Variants in C2CD2 observed in about 807,000 individuals in gnomAD.
C2CD2 encodes C2 calcium dependent domain containing 2, also known as C2 domain-containing protein 2.
C2CD2 carries 43 observed loss-of-function variants against 74.3 expected under a neutral mutation model. The ratio of observed to expected loss-of-function variants is 0.58; its 90% CI spans 0.45 to 0.75. The LOEUF (loss-of-function observed/expected upper bound fraction) is 0.75, where lower values mean the gene tolerates loss of function less well. Ranked by LOEUF, C2CD2 falls within the 30% of genes least tolerant of loss-of-function variation. C2CD2 has a pLI of 0.00. For missense variants in C2CD2, 801 were observed against 916.3 expected (o/e 0.87, Z 1.63); for synonymous variants, 422 against 390.7 (o/e 1.08, Z -0.94).
At chr21:41,953,208 C>G in intron 1 of C2CD2, 162 bp downstream of exon 1, 1 of 427,470 alleles carries the variant, frequency 2.3e-6, no homozygotes, top group Non-Finnish European at 4.1e-6. Context: ...CAAGGGGCCT[C>G]GCTCCCCCGT....
intron 13 of C2CD2, among the ~76,000 whole-genome samples, chr21:41,896,335 T>C (rs2064821813): frequency 6.6e-6 from 1 of 152,050 alleles, no homozygotes; most frequent in Non-Finnish European, 1.5e-5. Context: ...TGGGTAAGGG[T>C]TCTGAGCCAT....
chr21:41,928,544 C>CAAAAAA (rs59346777), intron 2 of C2CD2, among the ~76,000 whole-genome samples: 809 of 72,276 alleles, frequency 0.011, 1 homozygote, highest in East Asian at 0.019. Flanking sequence ...TAAAGCAAAG[C>CAAAAAA]AAAAAAAAAA....
rs2146207343 is a variant in C2CD2, at chr21:41,926,658, T to A, written c.379-4573A>T. 1.0e-6 allele frequency: 1 copy of A among 984,068 alleles called. No homozygotes were observed. Among genetic ancestry groups the A allele is most frequent in the South Asian group, 4.7e-5 (1 of 21,242 alleles). 61.0% of individuals were successfully genotyped at this position (984,068 alleles called of 1,614,324 possible). ...CAGGCACAGTTACTCCAGATTTTGCTACTGTTCACCAACAAGAGAGCCCCT... is the reference window on the plus strand; with the variant it reads ...CAGGCACAGTTACTCCAGATTTTGCAACTGTTCACCAACAAGAGAGCCCCT... On this transcript the variant is annotated intron_variant, in intron 2 of 13. Transcript: ENST00000380486. The surrounding 1 kb of genome is among the most constrained non-coding windows in gnomAD (Gnocchi z 8.0).
chr21:41,910,290 G>T (rs2065012338), intron 7 of C2CD2, among the ~76,000 whole-genome samples: 1 of 152,034 alleles, frequency 6.6e-6, no homozygotes, highest in Non-Finnish European at 1.5e-5. Context: ...ATGTGTTGGT[G>T]GTCCCCACTA....
intron 7 of C2CD2, among the ~76,000 whole-genome samples, chr21:41,910,677 A>G (rs973197180): frequency 1.3e-5 from 2 of 151,356 alleles, no homozygotes; most frequent in Non-Finnish European, 2.9e-5. Context: ...TTCATTCATG[A>G]TTTATAAAAG....
rs2065472439 is a variant in C2CD2, at chr21:41,953,949, C to A, written c.-301G>T. ...TGGGAAGTTCCTGGGCCGCTGCGGG[C>A]CGCGCTTCCTCCTGCGCGCGCCGCC... is the stretch of plus-strand genomic sequence containing the variant. On this transcript the variant is annotated 5_prime_UTR_variant, in exon 1 of 14. Transcript: ENST00000380486. 6.5e-6 allele frequency: 1 copy of A among 154,680 alleles called. No homozygotes were observed. Among genetic ancestry groups the A allele is most frequent in the Non-Finnish European group, 1.4e-5 (1 of 70,914 alleles). 9.6% of individuals were successfully genotyped at this position (154,680 alleles called of 1,614,324 possible).
chr21:41,909,595 T>C (rs1280536774), intron 7 of C2CD2, 72 bp from the exon 8 acceptor site: 9 of 1,026,726 alleles, frequency 8.8e-6, no homozygotes, highest in Non-Finnish European at 1.4e-5. Flanking sequence ...TAGAGTGTTT[T>C]TTCTGATTAT....
intron 1 of C2CD2, among the ~76,000 whole-genome samples, chr21:41,947,277 C>T (rs2065409197): frequency 6.6e-6 from 1 of 151,782 alleles, no homozygotes; most frequent in Non-Finnish European, 1.5e-5. Context: ...CCTGCCTCAG[C>T]ATCCCGAGTA....
At chr21:41,947,980 G>A (rs1472848603) in intron 1 of C2CD2, among the ~76,000 whole-genome samples, 2 of 152,206 alleles carry the variant, frequency 1.3e-5, no homozygotes, top group East Asian at 1.9e-4. Flanking sequence ...TGATGTGAAC[G>A]CTACACCCAC....
rs576886496 is a variant in C2CD2, at chr21:41,934,467, C to T, written c.378+7680G>A. 5.3e-5 allele frequency among the ~76,000 whole-genome samples: 8 copies of T among 152,306 alleles called. No individual in the cohort carries two copies. In the South Asian group the frequency reaches 1.7e-3, roughly 32 times the overall value. ...CAGTCCACTTCCTAAGGCTGCTTTTCTGACACTATGTATCAAGATCCTGAA... is the reference window on the plus strand; with the variant it reads ...CAGTCCACTTCCTAAGGCTGCTTTTTTGACACTATGTATCAAGATCCTGAA... On this transcript the variant is annotated intron_variant, in intron 2 of 13. Coordinates refer to ENST00000380486, the MANE Select transcript of C2CD2 (RefSeq NM_015500.2).
In C2CD2 at chr21:41,893,558, G is replaced by GT. The variant is rs2064782594; in HGVS notation, c.1871-4215dup. Among the ~76,000 whole-genome samples, 4 of 148,710 alleles carry GT rather than the reference G, an allele frequency of 2.7e-5. No individual in the cohort carries two copies. In the South Asian group the frequency reaches 8.7e-4, roughly 32 times the overall value. On this transcript the variant is annotated intron_variant, in intron 13 of 13. Transcript: ENST00000380486. ...TGTCCATACCCTGAGGGACTAACTT[G>GT]TTTCAGTGGCAGACCTCTGCCCCAG...
chr21:41,916,491 C>T (rs2065092145), intron 5 of C2CD2, among the ~76,000 whole-genome samples: 1 of 152,098 alleles, frequency 6.6e-6, no homozygotes, highest in African/African-American at 2.4e-5. Context: ...GAAACAGTGA[C>T]TCTTCATGGG....
At chr21:41,936,878 G>A (rs545456734) in intron 2 of C2CD2, among the ~76,000 whole-genome samples, 43 of 145,536 alleles carry the variant, frequency 3.0e-4, no homozygotes, top group Non-Finnish European at 4.7e-4. Context: ...GAGTGCAATG[G>A]TGCGGTCTCG....
At chr21:41,934,574 G>A (rs942980452) in intron 2 of C2CD2, among the ~76,000 whole-genome samples, 2 of 152,236 alleles carry the variant, frequency 1.3e-5, no homozygotes, top group African/African-American at 4.8e-5. Flanking sequence ...TCTTTCTCAA[G>A]TACCTCTACT....
At position 41,932,232 on chromosome 21, in the gene C2CD2, G is replaced by A. The variant is rs1037411060; in HGVS notation, c.378+9915C>T. Among the ~76,000 whole-genome samples, 11 of 149,952 alleles carry A rather than the reference G, an allele frequency of 7.3e-5. 2 individuals carry two copies. Among genetic ancestry groups the A allele is most frequent in the Non-Finnish European group, 1.5e-4 (10 of 66,926 alleles). ...GGTGAATACATCAAGGTGCCGGGCG[G>A]GTGGCTCGTCCAGGCAGGGCATGAA... On this transcript the variant is annotated intron_variant, in intron 2 of 13. Coordinates refer to ENST00000380486, the MANE Select transcript of C2CD2 (RefSeq NM_015500.2).
chr21:41,934,387 C>A (rs1423517184), intron 2 of C2CD2, among the ~76,000 whole-genome samples: 2 of 152,172 alleles, frequency 1.3e-5, no homozygotes, highest in Admixed American at 6.5e-5. Flanking sequence ...AGTGTCTGTG[C>A]CAGTACACTC....
intron 12 of C2CD2, chr21:41,901,396 C>T (rs1009585364): frequency 5.1e-6 from 3 of 589,988 alleles, no homozygotes; most frequent in Non-Finnish European, 6.1e-6. Context: ...ACGTGTAAAG[C>T]GTCCCTGATT....
At chr21:41,930,436 C>G (rs927612792) in intron 2 of C2CD2, among the ~76,000 whole-genome samples, 2 of 150,312 alleles carry the variant, frequency 1.3e-5, no homozygotes, top group Non-Finnish European at 3.0e-5. Flanking sequence ...GGCACAGTAG[C>G]TCACACCTGT....
chr21:41,908,838 A>C (rs769407568), intron 8 of C2CD2: 1 of 152,872 alleles, frequency 6.5e-6, no homozygotes, highest in Non-Finnish European at 1.5e-5. Flanking sequence ...GTACACACAC[A>C]CACATACAGG....
Sources: allele counts gnomAD v4.1 joint callset (sites outside exome capture counted in the v4.1 genomes callset), GRCh38; gene constraint gnomAD v4.1.1; non-coding constraint Gnocchi (gnomAD v3.1); transcripts MANE v1.5; gene names NCBI Gene and HGNC (gene_info 2026-07-23, HGNC 2026-07-21).